Variants in SCN8A observed in about 807,000 individuals in gnomAD.
SCN8A encodes sodium voltage-gated channel alpha subunit 8.
SCN8A carries 30 observed loss-of-function variants against 184.1 expected under a neutral mutation model. That is an observed-to-expected ratio of 0.16 (90% CI 0.12 to 0.22). SCN8A has a LOEUF of 0.22. Among genes scored for constraint, SCN8A ranks in the 10% least tolerant of loss-of-function variants. The pLI, the probability that SCN8A is intolerant of heterozygous loss-of-function variation, is 1.00. For missense variants in SCN8A, 1,057 were observed against 2,498.9 expected (o/e 0.42, Z 12.30); for synonymous variants, 852 against 907.0 (o/e 0.94, Z 1.09).
chr12:51,776,979 A>G (rs1217996194), intron 20 of SCN8A, among the ~76,000 whole-genome samples: 4 of 152,188 alleles, frequency 2.6e-5, no homozygotes, highest in Non-Finnish European at 5.9e-5. Context: ...CAAGGAAAAC[A>G]TTCTGTTTTG....
chr12:51,794,685 CTGAT>C (rs781003391), intron 26 of SCN8A, 44 bp downstream of exon 26: 4 of 1,577,814 alleles, frequency 2.5e-6, no homozygotes, highest in Admixed American at 1.7e-5. Flanking sequence ...GGGGACCTGA[CTGAT>C]TGTGAGGATG....
At chr12:51,695,730 A>G (rs887811979) in intron 6 of SCN8A, among the ~76,000 whole-genome samples, 5 of 151,986 alleles carry the variant, frequency 3.3e-5, no homozygotes, top group African/African-American at 1.2e-4. Context: ...TATGGCTACC[A>G]CTTAGCTTCC....
intron 14 of SCN8A, among the ~76,000 whole-genome samples, chr12:51,753,255 T>G (rs753234975): frequency 5.3e-5 from 8 of 152,280 alleles, no homozygotes; most frequent in Admixed American, 2.0e-4. Context: ...GCAAGGGTTT[T>G]CAAACGGCAA....
chr12:51,760,943 A>G (rs1001362748), intron 14 of SCN8A, among the ~76,000 whole-genome samples: 1 of 152,122 alleles, frequency 6.6e-6, no homozygotes, highest in Non-Finnish European at 1.5e-5. Flanking sequence ...AGCATCTATA[A>G]TCTAAGTATT....
At chr12:51,724,209 G>A (rs187038230) in intron 12 of SCN8A, among the ~76,000 whole-genome samples, 2 of 152,318 alleles carry the variant, frequency 1.3e-5, no homozygotes, top group Admixed American at 1.3e-4. Context: ...ACTTTAGGAG[G>A]CTGAGGTGGG....
At chr12:51,712,553 C>T in intron 11 of SCN8A, 1 of 776,926 alleles carries the variant, frequency 1.3e-6, no homozygotes, top group South Asian at 1.3e-5. Flanking sequence ...ACCAAAACTT[C>T]CCCCTTTCAT....
intron 16 of SCN8A, 89 bp downstream of exon 16, chr12:51,766,116 T>C: frequency 1.0e-6 from 1 of 974,014 alleles, no homozygotes; most frequent in Non-Finnish European, 1.7e-6. Context: ...TGCTTAGTCC[T>C]TCTACTACCC....
At chr12:51,614,346 C>T (rs1336482082) in intron 1 of SCN8A, among the ~76,000 whole-genome samples, 1 of 151,978 alleles carries the variant, frequency 6.6e-6, no homozygotes, top group East Asian at 1.9e-4. Flanking sequence ...GTCTCTATCC[C>T]TGGTAATTTT....
chr12:51,730,580 A>G (rs1357306121), intron 12 of SCN8A, among the ~76,000 whole-genome samples: 1 of 152,212 alleles, frequency 6.6e-6, no homozygotes, highest in East Asian at 1.9e-4. Flanking sequence ...TTTTGTGGGT[A>G]CATAGTAAGT....
chr12:51,709,508 T>C (rs1941838831), intron 11 of SCN8A, among the ~76,000 whole-genome samples: 1 of 152,216 alleles, frequency 6.6e-6, no homozygotes, highest in African/African-American at 2.4e-5. Context: ...CCATGATCAA[T>C]GGATTGAAAT....
intron 2 of SCN8A, among the ~76,000 whole-genome samples, chr12:51,674,156 G>A (rs1404187627): frequency 6.6e-6 from 1 of 152,094 alleles, no homozygotes; most frequent in South Asian, 2.1e-4. Flanking sequence ...CATCCTAAGG[G>A]GTTTTGTTTT....
At chr12:51,768,817 G>C in intron 16 of SCN8A, 48 bp from the exon 17 acceptor site, 1 of 1,479,098 alleles carries the variant, frequency 6.8e-7, no homozygotes, top group Non-Finnish European at 9.0e-7. Flanking sequence ...TGAGTTCGAT[G>C]GATAACTTTT....
intron 11 of SCN8A, among the ~76,000 whole-genome samples, chr12:51,707,735 G>GT (rs1421890886): frequency 6.6e-6 from 1 of 152,140 alleles, no homozygotes; most frequent in Non-Finnish European, 1.5e-5. Context: ...TCTATTTTTA[G>GT]TTTTTTGAGG....
chr12:51,640,798 T>C (rs1476630895), intron 1 of SCN8A, among the ~76,000 whole-genome samples: 1 of 152,180 alleles, frequency 6.6e-6, no homozygotes, highest in Non-Finnish European at 1.5e-5. Flanking sequence ...ATCCTTGAGG[T>C]TGAATGGGTT....
chr12:51,802,549 G>C (rs1426035805), intron 26 of SCN8A, among the ~76,000 whole-genome samples: 1 of 152,140 alleles, frequency 6.6e-6, no homozygotes, highest in Non-Finnish European at 1.5e-5. Flanking sequence ...CTGATTTTCC[G>C]CAAATTCAGC....
chr12:51,797,455 G>A (rs1292695596), intron 26 of SCN8A, among the ~76,000 whole-genome samples: 5 of 152,198 alleles, frequency 3.3e-5, no homozygotes, highest in African/African-American at 7.2e-5. Flanking sequence ...AACTGGTCAC[G>A]TGGTCGTAGC....
chr12:51,601,153 C>T (rs1939455262), intron 1 of SCN8A, among the ~76,000 whole-genome samples: 1 of 152,176 alleles, frequency 6.6e-6, no homozygotes, highest in African/African-American at 2.4e-5. Context: ...TTAAGGTAGC[C>T]TGGGATGAGG....
rs58356368 is a variant in SCN8A, at chr12:51,721,081, T to TTATA, written c.1636-442_1636-439dup. ...AAACTCCATCTCAAAAAAAAAAAAATTATATATATATATATATATATATAT... is the reference window on the plus strand; with the variant it reads ...AAACTCCATCTCAAAAAAAAAAAAATTATATATATATATATATATATATATATAT... On this transcript the variant is annotated intron_variant, in intron 11 of 26. Transcript: ENST00000627620. Among the ~76,000 whole-genome samples the TTATA allele has an allele frequency of 4.7e-3, 406 of 86,756 alleles. 9 individuals carry two copies. The highest frequency in any genetic ancestry group is 0.029 in the South Asian group (81 of 2,810). The allele number at this position is 86,756 out of a possible 152,430, so 56.9% of individuals were successfully genotyped here.
At chr12:51,610,654 C>T (rs1362315040) in intron 1 of SCN8A, among the ~76,000 whole-genome samples, 1 of 152,136 alleles carries the variant, frequency 6.6e-6, no homozygotes, top group Non-Finnish European at 1.5e-5. Context: ...ATATATGATG[C>T]TTAGTTTCAC....
Sources: allele counts gnomAD v4.1 joint callset (sites outside exome capture counted in the v4.1 genomes callset), GRCh38; gene constraint gnomAD v4.1.1; transcripts MANE v1.5; gene names NCBI Gene and HGNC (gene_info 2026-07-23, HGNC 2026-07-21).